PLEKHD1: variants seen among roughly 807,000 people sequenced by gnomAD.
PLEKHD1 encodes the protein pleckstrin homology and coiled-coil domain containing D1, also known as pleckstrin homology domain-containing family D member 1.
A neutral mutation model predicts 69.2 loss-of-function variants in PLEKHD1; 51 were observed. That is an observed-to-expected ratio of 0.74 (90% CI 0.59 to 0.93). The LOEUF is 0.93. Among genes scored for constraint, PLEKHD1 ranks in the 40% least tolerant of loss-of-function variants. PLEKHD1 has a pLI of 0.00. For synonymous variants in PLEKHD1, 236 were observed against 244.7 expected (o/e 0.96, Z 0.33); for missense variants, 584 against 641.0 (o/e 0.91, Z 0.96).
upstream of PLEKHD1, among the ~76,000 whole-genome samples, chr14:69,480,810 G>T (rs373365636): frequency 1.3e-5 from 2 of 152,280 alleles, no homozygotes; most frequent in East Asian, 3.9e-4. Context: ...GCGCCACTAT[G>T]CCTGGCTAAT....
chr14:69,501,354 C>G (rs994851334), intron 4 of PLEKHD1: 12 of 331,602 alleles, frequency 3.6e-5, no homozygotes, highest in African/African-American at 2.3e-4. Context: ...TGACACCTGC[C>G]TAGTCAGGCT....
At chr14:69,488,271 G>A (rs1286230894) in intron 1 of PLEKHD1, among the ~76,000 whole-genome samples, 1 of 152,142 alleles carries the variant, frequency 6.6e-6, no homozygotes, top group African/African-American at 2.4e-5. Flanking sequence ...AAGACTAGAG[G>A]AGACTTTCTT....
At chr14:69,478,958 T>G in the PLEKHD1 span, among the ~76,000 whole-genome samples, 3 of 152,192 alleles carry the variant, frequency 2.0e-5, no homozygotes, top group African/African-American at 7.2e-5. Context: ...GGGACTAGAC[T>G]GTGAAGGGTG....
upstream of PLEKHD1, among the ~76,000 whole-genome samples, chr14:69,483,692 C>A (rs1161787333): frequency 2.0e-5 from 3 of 152,280 alleles, no homozygotes; most frequent in Non-Finnish European, 2.9e-5. Flanking sequence ...TTGTAAACTT[C>A]TGTTGCAATC....
In PLEKHD1 at chr14:69,500,104, GC is replaced by G; in HGVS notation, c.150-8del. Reference sequence around the variant, plus strand: ...TCCTGGTTGCTTTTCCTTCCCCACCGCCCACTATAGGTTTTTCATCATCAAA... The same window carrying G: ...TCCTGGTTGCTTTTCCTTCCCCACCGCCACTATAGGTTTTTCATCATCAAA... On this transcript the variant is annotated splice_polypyrimidine_tract_variant and intron_variant, in intron 1 of 12. Coordinates refer to ENST00000322564, the MANE Select transcript of PLEKHD1 (RefSeq NM_001161498.2). The G allele has an allele frequency of 6.5e-7, 1 of 1,535,784 alleles. No individual in the cohort carries two copies. Among genetic ancestry groups the G allele is most frequent in the South Asian group, 1.2e-5 (1 of 83,660 alleles).
At chr14:69,490,033 A>G (rs890514402) in intron 1 of PLEKHD1, among the ~76,000 whole-genome samples, 4 of 152,118 alleles carry the variant, frequency 2.6e-5, no homozygotes, top group African/African-American at 9.6e-5. Flanking sequence ...TGCCCGGCTA[A>G]TTTTTGTATT....
chr14:69,471,090 CTTTTTTTTTTTTTTTTTTTTTT>C, the PLEKHD1 span, among the ~76,000 whole-genome samples: 33 of 44,734 alleles, frequency 7.4e-4, no homozygotes, highest in Non-Finnish European at 1.3e-3. Flanking sequence ...CGTGCCTGGC[CTTTTTTTTTTTTTTTTTTTTTT>C]TTTTTTTTTT....
intron 1 of PLEKHD1, among the ~76,000 whole-genome samples, chr14:69,486,671 C>T (rs1288880881): frequency 2.0e-5 from 3 of 152,168 alleles, no homozygotes; most frequent in African/African-American, 7.2e-5. Context: ...TCCTGTCAAC[C>T]AAGACTTCTC....
the PLEKHD1 span, among the ~76,000 whole-genome samples, chr14:69,474,719 C>T: frequency 2.0e-5 from 3 of 152,090 alleles, no homozygotes; most frequent in South Asian, 2.1e-4. Flanking sequence ...TCCCCATGGC[C>T]GTGTTTGGCT....
chr14:69,524,469 C>T, intron 8 of PLEKHD1, 147 bp downstream of exon 8: 1 of 679,610 alleles, frequency 1.5e-6, no homozygotes, highest in Non-Finnish European at 2.5e-6. Context: ...GGTCTCTTCT[C>T]TATGGATCAT....
At chr14:69,503,061 A>G (rs1192151745) in intron 6 of PLEKHD1, 182 bp downstream of exon 6, 1 of 665,710 alleles carries the variant, frequency 1.5e-6, no homozygotes, top group Non-Finnish European at 2.6e-6. Flanking sequence ...TGTTGGTAAG[A>G]AGTGTCTTTC....
chr14:69,507,524 TAAG>T (rs1283915611), intron 6 of PLEKHD1, among the ~76,000 whole-genome samples: 2 of 152,200 alleles, frequency 1.3e-5, no homozygotes, highest in African/African-American at 4.8e-5. Flanking sequence ...GGAAAAGTAA[TAAG>T]GAGTATGATT....
chr14:69,490,421 G>A (rs61982427), intron 1 of PLEKHD1, among the ~76,000 whole-genome samples: 1,540 of 152,328 alleles, frequency 0.01, 16 homozygotes, highest in Non-Finnish European at 0.016. Context: ...GGGAGAAGCT[G>A]TAAAAACAGA....
At chr14:69,492,067 C>G (rs567863779) in intron 1 of PLEKHD1, among the ~76,000 whole-genome samples, 1 of 152,150 alleles carries the variant, frequency 6.6e-6, no homozygotes, top group African/African-American at 2.4e-5. Flanking sequence ...AGAAGTCCAG[C>G]GTCTTCACAA....
chr14:69,500,169 G>C lies in PLEKHD1; in HGVS notation c.204G>C (p.Lys68Asn). The C allele has an allele frequency of 2.6e-6, 4 of 1,550,826 alleles. No individual in the cohort carries two copies. The highest frequency in any genetic ancestry group is 3.5e-6 in the Non-Finnish European group (4 of 1,146,184). Reference sequence around the variant, plus strand: ...TTTACTACTCTGAGAGCGAAAAAAAGAGCTTTGAAACCAATAAATACTTCA... The same window carrying C: ...TTTACTACTCTGAGAGCGAAAAAAACAGCTTTGAAACCAATAAATACTTCA... ...FLLYYSESEK[K>N]SFETNKYFNI... The change falls in exon 2 of 13, where the codon AAG (lysine) becomes AAC (asparagine). Residue 68 changes from lysine (K) to asparagine (N), a missense_variant. Coordinates refer to ENST00000322564, the MANE Select transcript of PLEKHD1 (RefSeq NM_001161498.2).
chr14:69,504,352 G>A (rs887145237), intron 6 of PLEKHD1, among the ~76,000 whole-genome samples: 1 of 152,152 alleles, frequency 6.6e-6, no homozygotes, highest in Non-Finnish European at 1.5e-5. Context: ...GCAAGTCACA[G>A]GGCAGGGGCT....
rs1883006520 is a variant in PLEKHD1, at chr14:69,500,774, C to A, written c.334-97C>A. Reference sequence around the variant, plus strand: ...CTGGCCTGGGAGAGGGGCATCAGCACCCAGGGATGTGGGGTGGGTGACAGG... The same window carrying A: ...CTGGCCTGGGAGAGGGGCATCAGCAACCAGGGATGTGGGGTGGGTGACAGG... On this transcript the variant is annotated intron_variant, in intron 3 of 12. Transcript: ENST00000322564. 7 of 1,524,620 alleles carry A rather than the reference C, an allele frequency of 4.6e-6. No homozygotes were observed. In the South Asian group the frequency reaches 8.4e-5, roughly 18 times the overall value. 94.4% of individuals were successfully genotyped at this position (1,524,620 alleles called of 1,614,324 possible).
intron 1 of PLEKHD1, among the ~76,000 whole-genome samples, chr14:69,495,338 C>T (rs1295810391): frequency 6.6e-6 from 1 of 152,200 alleles, no homozygotes; most frequent in Non-Finnish European, 1.5e-5. Context: ...CTGCCCTCAA[C>T]ACAGCAGGGT....
intron 6 of PLEKHD1, among the ~76,000 whole-genome samples, chr14:69,514,764 A>T (rs529525421): frequency 8.5e-5 from 13 of 152,144 alleles, no homozygotes; most frequent in Non-Finnish European, 1.5e-4. Context: ...TGTGAACTTC[A>T]TAAATGCTTC....
Sources: allele counts gnomAD v4.1 joint callset (sites outside exome capture counted in the v4.1 genomes callset), GRCh38; gene constraint gnomAD v4.1.1; transcripts MANE v1.5; gene names NCBI Gene and HGNC (gene_info 2026-07-23, HGNC 2026-07-21).